DAAM1: variants seen among roughly 807,000 people sequenced by gnomAD.
DAAM1 encodes the protein dishevelled associated activator of morphogenesis 1, also known as disheveled-associated activator of morphogenesis 1.
Under a neutral mutation model 130.0 loss-of-function variants are expected in DAAM1, and 52 were observed. That is an observed-to-expected ratio of 0.40 (90% CI 0.32 to 0.50). The LOEUF (loss-of-function observed/expected upper bound fraction) is 0.50, where lower values mean the gene tolerates loss of function less well. Ranked by LOEUF, DAAM1 falls within the 20% of genes least tolerant of loss-of-function variation. The pLI is 0.61. For missense variants in DAAM1, 1,134 were observed against 1,303.8 expected, an observed-to-expected ratio of 0.87 and a Z score of 2.01; for synonymous variants, 452 against 444.5, an observed-to-expected ratio of 1.02 and a Z score of -0.21.
chr14:59,335,813 T>G (rs1048518517), intron 15 of DAAM1, among the ~76,000 whole-genome samples: 1 of 152,194 alleles, frequency 6.6e-6, no homozygotes, highest in Admixed American at 6.5e-5. Context: ...ACAAGACATT[T>G]TGGGGGCTCC....
chr14:59,358,779 G>T (rs1886587160), intron 20 of DAAM1, among the ~76,000 whole-genome samples: 1 of 151,542 alleles, frequency 6.6e-6, no homozygotes, highest in African/African-American at 2.4e-5. Flanking sequence ...GGAGGCGGAG[G>T]TTGCAGTGAG....
intron 1 of DAAM1, among the ~76,000 whole-genome samples, chr14:59,198,286 A>G (rs1594752413): frequency 6.7e-6 from 1 of 148,480 alleles, no homozygotes; most frequent in South Asian, 2.1e-4. Flanking sequence ...GCTCACTGCA[A>G]CCTCCGCCTC....
At chr14:59,233,648 C>T (rs61986025) in intron 1 of DAAM1, among the ~76,000 whole-genome samples, 10,072 of 152,252 alleles carry the variant, frequency 0.066, 436 homozygotes, top group Non-Finnish European at 0.099. Context: ...AATTAGATCC[C>T]ATTTATCAAT....
In DAAM1 at chr14:59,346,025, C is replaced by T. The variant is rs377232676; in HGVS notation, c.2076-1514C>T. 2.0e-5 allele frequency among the ~76,000 whole-genome samples: 3 copies of T among 151,886 alleles called. No homozygotes were observed. In the South Asian group the frequency reaches 6.2e-4, roughly 32 times the overall value. ...GTATAAAAAAGTCTGCCTTGCAGAA[C>T]GTACATATAGTTTACTGTGTTCTTT... On this transcript the variant is annotated intron_variant, in intron 16 of 24. Transcript: ENST00000360909.
chr14:59,233,056 G>C (rs1889164381), intron 1 of DAAM1, among the ~76,000 whole-genome samples: 1 of 152,184 alleles, frequency 6.6e-6, no homozygotes, highest in African/African-American at 2.4e-5. Context: ...CATTAGGGTT[G>C]GTTCCATGTC....
chr14:59,294,450 T>C (rs1420722477), intron 3 of DAAM1, among the ~76,000 whole-genome samples: 1 of 152,184 alleles, frequency 6.6e-6, no homozygotes, highest in Non-Finnish European at 1.5e-5. Context: ...AATTGAGTAA[T>C]CTTGGGGGAG....
Position 59,359,465 on chromosome 14 carries a change from A to G in DAAM1, c.2594A>G (p.Asn865Ser), listed in dbSNP as rs780755856. ...ENKYPSVLNL[N>S]EELRDIPQAA... ...AAGTACCCCAGTGTTCTCAATCTAA[A>G]TGAAGAATTGCGAGATATTCCTCAA... is the stretch of plus-strand genomic sequence containing the variant. Residue 865 changes from asparagine to serine, a missense_variant, in exon 21 of 25, where the codon AAT becomes AGT. Physicochemically the swap from Asn to Ser is conservative, Grantham distance 46 (BLOSUM62 1). Coordinates refer to ENST00000360909, the MANE Select transcript of DAAM1 (RefSeq NM_001270520.2). 1.9e-6 allele frequency: 3 copies of G among 1,613,948 alleles called. No individual in the cohort carries two copies. Among genetic ancestry groups the G allele is most frequent in the Non-Finnish European group, 2.5e-6 (3 of 1,179,876 alleles).
chr14:59,350,441 C>T (rs1886247624), intron 17 of DAAM1, among the ~76,000 whole-genome samples: 1 of 123,066 alleles, frequency 8.1e-6, no homozygotes, highest in Admixed American at 9.2e-5. Flanking sequence ...TGCATGCACA[C>T]CCTCATGCAC....
At chr14:59,365,600 T>C (rs1410000391) in intron 23 of DAAM1, among the ~76,000 whole-genome samples, 2 of 152,192 alleles carry the variant, frequency 1.3e-5, no homozygotes, top group Admixed American at 6.5e-5. Context: ...TATAAGCCAA[T>C]ACTTGTTTTA....
intron 3 of DAAM1, among the ~76,000 whole-genome samples, chr14:59,297,814 G>GGTAT (rs1240485817): frequency 6.6e-6 from 1 of 152,042 alleles, no homozygotes; most frequent in Non-Finnish European, 1.5e-5. Context: ...TTTTATCATA[G>GGTAT]GTATGTATGT....
intron 2 of DAAM1, among the ~76,000 whole-genome samples, chr14:59,289,784 A>ATATATATATATATACATAT: frequency 1.6e-5 from 2 of 128,686 alleles, no homozygotes; most frequent in African/African-American, 5.7e-5. Context: ...ATATATATAT[A>ATATATATATATATACATAT]ATGGAATGCT....
At chr14:59,365,458 C>CTCTT (rs979311558) in intron 23 of DAAM1, among the ~76,000 whole-genome samples, 3 of 140,654 alleles carry the variant, frequency 2.1e-5, no homozygotes, top group African/African-American at 8.1e-5. Context: ...GCCCAAAGAA[C>CTCTT]TCTTTTCTAA....
intron 21 of DAAM1, among the ~76,000 whole-genome samples, chr14:59,359,765 G>A (rs1256481021): frequency 2.0e-5 from 3 of 152,224 alleles, no homozygotes; most frequent in Admixed American, 6.5e-5. Context: ...ACAGGTAGGA[G>A]CACCTTAGTT....
At chr14:59,271,019 C>G (rs1215545801) in intron 2 of DAAM1, among the ~76,000 whole-genome samples, 1 of 152,174 alleles carries the variant, frequency 6.6e-6, no homozygotes, top group African/African-American at 2.4e-5. Context: ...ATTTCTAATA[C>G]ACTACATCAC....
At chr14:59,274,502 G>A (rs1023376852) in intron 2 of DAAM1, among the ~76,000 whole-genome samples, 2 of 152,124 alleles carry the variant, frequency 1.3e-5, no homozygotes, top group African/African-American at 4.8e-5. Context: ...AGAGCAGAAT[G>A]GCTCAGGTGT....
At chr14:59,298,178 TTCTC>T (rs1247782445) in intron 3 of DAAM1, among the ~76,000 whole-genome samples, 1 of 152,216 alleles carries the variant, frequency 6.6e-6, no homozygotes, top group Non-Finnish European at 1.5e-5. Context: ...CATGGTCTGT[TTCTC>T]TGTCTCAATG....
intron 17 of DAAM1, among the ~76,000 whole-genome samples, chr14:59,351,279 T>C (rs896872640): frequency 6.6e-6 from 1 of 152,192 alleles, no homozygotes; most frequent in South Asian, 2.1e-4. Flanking sequence ...GATTACTTAC[T>C]ATACCACTAT....
chr14:59,251,264 C>T (rs1455966347), intron 1 of DAAM1, among the ~76,000 whole-genome samples: 2 of 152,100 alleles, frequency 1.3e-5, no homozygotes, highest in Non-Finnish European at 1.5e-5. Flanking sequence ...CTTAGATATG[C>T]AATCTAGAAA....
At chr14:59,345,532 T>C (rs373313156) in intron 16 of DAAM1, among the ~76,000 whole-genome samples, 1 of 152,174 alleles carries the variant, frequency 6.6e-6, no homozygotes, top group Non-Finnish European at 1.5e-5. Context: ...TGAAATAACA[T>C]TCAGTTTAAA....
Sources: allele counts gnomAD v4.1 joint callset (sites outside exome capture counted in the v4.1 genomes callset), GRCh38; gene constraint gnomAD v4.1.1; transcripts MANE v1.5; gene names NCBI Gene and HGNC (gene_info 2026-07-23, HGNC 2026-07-21).